Variants in OTOG observed in about 807,000 individuals in gnomAD.
OTOG encodes otogelin.
A neutral mutation model predicts 313.8 loss-of-function variants in OTOG; 296 were observed. That is an observed-to-expected ratio of 0.94 (90% CI 0.86 to 1.04). The LOEUF is 1.04. Among genes scored for constraint, OTOG ranks in the 50% least tolerant of loss-of-function variants. The probability of loss-of-function intolerance (pLI) is 0.00; values close to 1 mark genes in which losing one functional copy is unlikely to be tolerated. For missense variants in OTOG, 3,948 were observed against 3,840.1 expected (o/e 1.03, Z -0.74); for synonymous variants, 1,533 against 1,554.9 (o/e 0.99, Z 0.33).
chr11:17,642,361 T>G, intron 53 of OTOG, 115 bp downstream of exon 53: 1 of 1,318,888 alleles, frequency 7.6e-7, no homozygotes, highest in Non-Finnish European at 1.0e-6. Context: ...CTGGAGCCTG[T>G]GCCTGCACTG....
At chr11:17,561,536 C>G in intron 14 of OTOG, 126 bp from the exon 15 acceptor site, 1 of 1,005,936 alleles carries the variant, frequency 9.9e-7, no homozygotes, top group Non-Finnish European at 1.5e-6. Context: ...AGGGGCCAGG[C>G]CTCATTCCTT....
At chr11:17,622,809 A>C (rs1324949900) in intron 39 of OTOG, among the ~76,000 whole-genome samples, 1 of 152,222 alleles carries the variant, frequency 6.6e-6, no homozygotes, top group East Asian at 1.9e-4. Flanking sequence ...TGCTGCAACA[A>C]ACATGGGAGT....
At chr11:17,591,058 A>G (rs1052741853) in intron 24 of OTOG, among the ~76,000 whole-genome samples, 3 of 152,200 alleles carry the variant, frequency 2.0e-5, no homozygotes, top group African/African-American at 7.2e-5. Context: ...ACATTCCCAG[A>G]GGCAGACGGT....
intron 22 of OTOG, 96 bp from the exon 23 acceptor site, chr11:17,578,277 G>T: frequency 7.1e-7 from 1 of 1,408,772 alleles, no homozygotes; most frequent in South Asian, 1.6e-5. Context: ...AGACTTCCGA[G>T]CCCGTCTCTC....
At chr11:17,604,353 G>A (rs1026744240) in intron 32 of OTOG, among the ~76,000 whole-genome samples, 4 of 152,230 alleles carry the variant, frequency 2.6e-5, no homozygotes, top group Non-Finnish European at 5.9e-5. Context: ...GCCCAGGGAG[G>A]AGAAGTGACT....
intron 51 of OTOG, among the ~76,000 whole-genome samples, chr11:17,641,463 TA>T (rs960526093): frequency 1.5e-4 from 23 of 152,316 alleles, no homozygotes; most frequent in African/African-American, 5.3e-4. Context: ...TAGTAAGGGC[TA>T]AATAAATATT....
At chr11:17,642,075 G>A (rs968237450) in intron 52 of OTOG, 52 bp from the exon 53 acceptor site, 36 of 1,516,752 alleles carry the variant, frequency 2.4e-5, no homozygotes, top group African/African-American at 2.4e-4. Context: ...ATGGGTTTGC[G>A]CAGGCTGTCC....
intron 27 of OTOG, 96 bp from the exon 28 acceptor site, chr11:17,593,951 G>C: frequency 1.3e-6 from 2 of 1,491,402 alleles, no homozygotes; most frequent in African/African-American, 1.4e-5. Flanking sequence ...GTGGCTTCTA[G>C]GTCTATGATA....
intron 39 of OTOG, among the ~76,000 whole-genome samples, chr11:17,623,590 T>C (rs1373164431): frequency 1.3e-5 from 2 of 152,174 alleles, no homozygotes; most frequent in Non-Finnish European, 2.9e-5. Flanking sequence ...CTATTGTGAG[T>C]AGTGCTACCA....
chr11:17,602,535 T>G (rs1853281411), intron 32 of OTOG, among the ~76,000 whole-genome samples, 158 bp downstream of exon 32: 1 of 152,060 alleles, frequency 6.6e-6, no homozygotes, highest in Non-Finnish European at 1.5e-5. Flanking sequence ...TGGGTCAGCT[T>G]CTTCTCCTCT....
chr11:17,633,913 CCAGCCT>C, intron 43 of OTOG, 39 bp downstream of exon 43: 1 of 1,497,282 alleles, frequency 6.7e-7, no homozygotes, highest in Non-Finnish European at 8.9e-7. Flanking sequence ...GCCTCCAAAG[CCAGCCT>C]CAGCCTCGCC....
At chr11:17,599,775 C>A in intron 31 of OTOG, 78 bp downstream of exon 31, 1 of 1,476,042 alleles carries the variant, frequency 6.8e-7, no homozygotes, top group African/African-American at 1.4e-5. Flanking sequence ...CAGCATCAGC[C>A]ATCCCGAGGC....
intron 44 of OTOG, 113 bp downstream of exon 44, chr11:17,634,394 T>A (rs1854208899): frequency 1.7e-6 from 2 of 1,176,920 alleles, no homozygotes; most frequent in Non-Finnish European, 2.4e-6. Context: ...CAAAGTGTCT[T>A]GTAGGGGGTG....
In OTOG at chr11:17,573,291, G is replaced by T; in HGVS notation, c.2293+1G>T. 6 of 1,523,162 alleles carry T rather than the reference G, an allele frequency of 3.9e-6. No homozygotes were observed. The highest frequency in any genetic ancestry group is 5.3e-6 in the Non-Finnish European group (6 of 1,138,788). 94.4% of individuals were successfully genotyped at this position (1,523,162 alleles called of 1,614,324 possible). A position where few individuals can be genotyped will look rare whatever the true frequency, so the allele number is the denominator to read the frequency against. ...TTCCGCGCCCGCCTGCCAGCCTGTG[G>T]TGAGTGCCCCACCCATGTGAGGCTG... On this transcript the variant is annotated splice_donor_variant, in intron 19 of 55. Coordinates refer to ENST00000399397, the MANE Select transcript of OTOG (RefSeq NM_001292063.2). LOFTEE classifies it high-confidence loss of function.
chr11:17,578,266 G>A (rs1852582683), intron 22 of OTOG, 107 bp from the exon 23 acceptor site: 9 of 1,408,618 alleles, frequency 6.4e-6, no homozygotes, highest in Non-Finnish European at 7.4e-6. Flanking sequence ...AGGGAGGGAG[G>A]AGACTTCCGA....
chr11:17,548,598 C>CTCCT (rs1367978823), intron 3 of OTOG, among the ~76,000 whole-genome samples: 1 of 152,030 alleles, frequency 6.6e-6, no homozygotes, highest in Non-Finnish European at 1.5e-5. Flanking sequence ...CTGTCAGAGG[C>CTCCT]TCCTCTCCAT....
chr11:17,602,577 G>T (rs568393078), intron 32 of OTOG, among the ~76,000 whole-genome samples, 200 bp downstream of exon 32: 20 of 152,172 alleles, frequency 1.3e-4, no homozygotes, highest in African/African-American at 4.3e-4. Context: ...TCCCCTAACC[G>T]CCAGGGCAGC....
intron 39 of OTOG, among the ~76,000 whole-genome samples, chr11:17,626,606 C>T (rs1265418655): frequency 6.6e-6 from 1 of 152,126 alleles, no homozygotes; most frequent in East Asian, 1.9e-4. Context: ...TATTCTGGGT[C>T]TTTTATAATT....
chr11:17,632,615 G>A (rs1455045792), intron 42 of OTOG, among the ~76,000 whole-genome samples: 1 of 151,978 alleles, frequency 6.6e-6, no homozygotes, highest in Non-Finnish European at 1.5e-5. Flanking sequence ...CCTGCCCCAC[G>A]GACACCGTCC....
Sources: allele counts gnomAD v4.1 joint callset (sites outside exome capture counted in the v4.1 genomes callset), GRCh38; gene constraint gnomAD v4.1.1; transcripts MANE v1.5; gene names NCBI Gene and HGNC (gene_info 2026-07-23, HGNC 2026-07-21).